Variants in OLAH observed in about 807,000 individuals in gnomAD.
OLAH encodes the protein oleoyl-ACP hydrolase, also known as S-acyl fatty acid synthase thioesterase, medium chain.
Under a neutral mutation model 27.8 loss-of-function variants are expected in OLAH, and 33 were observed. The observed-to-expected ratio is 1.19, with a 90% CI of 0.90 to 1.59. OLAH has a LOEUF of 1.59. Ranked by LOEUF, OLAH falls within the 40% of genes most tolerant of loss-of-function variation. The pLI is 0.00. For synonymous variants in OLAH, 120 were observed against 102.9 expected, an observed-to-expected ratio of 1.17 and a Z score of -1.01; for missense variants, 359 against 310.8, an observed-to-expected ratio of 1.16 and a Z score of -1.17.
chr10:15,035,887 C>G (rs1564523779), intron 1 of OLAH, among the ~76,000 whole-genome samples: 1 of 152,168 alleles, frequency 6.6e-6, no homozygotes, highest in Non-Finnish European at 1.5e-5. Context: ...TCCACTGTCT[C>G]CTTTCATTGC....
At chr10:15,064,854 A>G (rs1844436727) in intron 5 of OLAH, among the ~76,000 whole-genome samples, 1 of 152,050 alleles carries the variant, frequency 6.6e-6, no homozygotes, top group Non-Finnish European at 1.5e-5. Flanking sequence ...ATGGGGTTTC[A>G]CCATGTTGGC....
chr10:15,056,981 T>C lies in OLAH; in HGVS notation c.164-4743T>C, dbSNP rs997301674. The C allele has an allele frequency of 5.6e-6, 8 of 1,424,798 alleles. No individual in the cohort carries two copies. The African/African-American group carries it at 1.0e-4, about 18-fold the overall frequency. 88.3% of individuals were successfully genotyped at this position (1,424,798 alleles called of 1,614,324 possible). A position where few individuals can be genotyped will look rare whatever the true frequency, so the allele number is the denominator to read the frequency against. On this transcript the variant is annotated intron_variant, in intron 3 of 7. Transcript: ENST00000378228. The stretch of plus-strand genomic sequence containing the variant: ...GTCTATTCTGGATTCTAATTTTTTT[T>C]AGTAGGTTTTTTGTGTTGAAAATGT...
chr10:15,036,664 T>G (rs1030520437), intron 1 of OLAH, among the ~76,000 whole-genome samples: 2 of 151,992 alleles, frequency 1.3e-5, no homozygotes, highest in Admixed American at 6.6e-5. Flanking sequence ...TTTTAAAAAT[T>G]TTTGTAGGGA....
At chr10:15,037,746 C>T (rs1843863176) in intron 1 of OLAH, among the ~76,000 whole-genome samples, 1 of 152,134 alleles carries the variant, frequency 6.6e-6, no homozygotes, top group South Asian at 2.1e-4. Flanking sequence ...TAGGAAATCT[C>T]ATATTGCTGG....
At chr10:15,038,799 T>C (rs1843879341) in intron 1 of OLAH, 1 of 152,200 alleles carries the variant, frequency 6.6e-6, no homozygotes, top group African/African-American at 2.4e-5. Flanking sequence ...AGGGACGTGT[T>C]AAAACTCACT....
Position 15,057,533 on chromosome 10 carries a change from G to A in OLAH, c.164-4191G>A, listed in dbSNP as rs140024789. 1.9e-3 allele frequency among the ~76,000 whole-genome samples: 295 copies of A among 151,712 alleles called. 1 individual carries two copies. The highest frequency in any genetic ancestry group is 3.4e-3 in the Non-Finnish European group (231 of 67,958). On this transcript the variant is annotated intron_variant, in intron 3 of 7. Transcript: ENST00000378228. ...TCCGAGTAGCTGTGATAACAGGCATGAGCCACTATGCCTGGTTAATTTTCA... is the reference window on the plus strand; with the variant it reads ...TCCGAGTAGCTGTGATAACAGGCATAAGCCACTATGCCTGGTTAATTTTCA...
In OLAH at chr10:15,073,354, A is replaced by G. The variant is rs2131386483; in HGVS notation, c.*125A>G. 4.4e-6 allele frequency: 3 copies of G among 678,616 alleles called. No individual in the cohort carries two copies. Among genetic ancestry groups the G allele is most frequent in the Non-Finnish European group, 7.3e-6 (3 of 412,710 alleles). The allele number at this position is 678,616 out of a possible 1,614,324, so 42.0% of individuals were successfully genotyped here. ...TTCTACTGTCAGGGAGATTCGTTAC[A>G]TAAATATATTTACGTATCTGGGGAC... is the stretch of plus-strand genomic sequence containing the variant. On this transcript the variant is annotated 3_prime_UTR_variant, in exon 8 of 8. Transcript: ENST00000378228.
intron 3 of OLAH, among the ~76,000 whole-genome samples, chr10:15,059,913 A>T (rs1234985444): frequency 1.3e-5 from 2 of 152,144 alleles, no homozygotes; most frequent in African/African-American, 4.8e-5. Flanking sequence ...GTTTTTAGCA[A>T]TTTGATGGAC....
At chr10:15,068,547 C>T (rs962348038) in intron 6 of OLAH, among the ~76,000 whole-genome samples, 1 of 152,138 alleles carries the variant, frequency 6.6e-6, no homozygotes, top group African/African-American at 2.4e-5. Context: ...CACGTGCCCC[C>T]ACACCCAGCT....
upstream of OLAH, among the ~76,000 whole-genome samples, chr10:15,043,113 G>A (rs1205836184): frequency 3.3e-5 from 5 of 152,020 alleles, no homozygotes; most frequent in African/African-American, 9.6e-5. Context: ...ACCCGCCTTG[G>A]CCTCCCAAAG....
intron 2 of OLAH, among the ~76,000 whole-genome samples, chr10:15,049,240 C>T (rs1844085740): frequency 6.6e-6 from 1 of 150,876 alleles, no homozygotes; most frequent in Non-Finnish European, 1.5e-5. Context: ...CTCCAGAGAT[C>T]CTCCTGCCTC....
intron 7 of OLAH, 67 bp from the exon 8 acceptor site, chr10:15,073,017 AATG>A (rs1844621822): frequency 6.9e-7 from 1 of 1,452,886 alleles, no homozygotes; most frequent in East Asian, 2.3e-5. Context: ...CTCTTAAAGA[AATG>A]ATGTCTTGAT....
At chr10:15,065,273 T>A (rs1276168303) in intron 5 of OLAH, among the ~76,000 whole-genome samples, 1 of 152,202 alleles carries the variant, frequency 6.6e-6, no homozygotes, top group Non-Finnish European at 1.5e-5. Flanking sequence ...TTAAACCTGG[T>A]GCTGTTGCTC....
chr10:15,069,834 C>G (rs1844546366), intron 6 of OLAH, among the ~76,000 whole-genome samples: 1 of 152,110 alleles, frequency 6.6e-6, no homozygotes, highest in South Asian at 2.1e-4. Flanking sequence ...CCATTGCACT[C>G]AAGCCCGGGC....
At chr10:15,032,620 CAAAAAAA>C (rs71390005) in intron 1 of OLAH, among the ~76,000 whole-genome samples, 2,079 of 95,682 alleles carry the variant, frequency 0.022, 28 homozygotes, top group Non-Finnish European at 0.03. Flanking sequence ...GACTCAGTTT[CAAAAAAA>C]AAAAAAAAAA....
chr10:15,050,143 C>T (rs1040081019), intron 3 of OLAH, among the ~76,000 whole-genome samples: 4 of 152,310 alleles, frequency 2.6e-5, no homozygotes, highest in South Asian at 4.1e-4. Flanking sequence ...TAAATCCAGG[C>T]GCAGTGGCGC....
rs1437874555 is a variant in OLAH, at chr10:15,070,239, A to G, written c.573-1556A>G. On this transcript the variant is annotated intron_variant, in intron 6 of 7. Coordinates refer to ENST00000378228, the MANE Select transcript of OLAH (RefSeq NM_001039702.3). Reference sequence around the variant, plus strand: ...GCAGGAGCAAATCCTTGCTGGGATTACTGCAAGTCCCACTCACTTGGGCCT... The same window carrying G: ...GCAGGAGCAAATCCTTGCTGGGATTGCTGCAAGTCCCACTCACTTGGGCCT... Among the ~76,000 whole-genome samples, 39 of 150,854 alleles carry G rather than the reference A, an allele frequency of 2.6e-4. 1 individual carries two copies. The highest frequency in any genetic ancestry group is 1.5e-5 in the Non-Finnish European group (1 of 67,882).
In OLAH at chr10:15,065,736, C is replaced by T. The variant is rs553927806; in HGVS notation, c.555C>T (p.Asn185=). 128 of 1,601,576 alleles carry T rather than the reference C, an allele frequency of 8.0e-5. 1 individual carries two copies. In the Middle Eastern group the frequency reaches 1.0e-3, roughly 13 times the overall value. ...QCSPIIRADL[N]IVRSCTSNVP... ...GTCCCATCATAAGGGCAGATCTGAA[C>T]ATTGTTAGAAGTTGCACGTAAGTAA... is the stretch of plus-strand genomic sequence containing the variant. The change falls in exon 6 of 8, where the codon AAC becomes AAT. Residue 185 remains asparagine, a synonymous_variant. Coordinates refer to ENST00000378228, the MANE Select transcript of OLAH (RefSeq NM_001039702.3).
intron 1 of OLAH, among the ~76,000 whole-genome samples, chr10:15,037,580 C>CAAAAAAAAAATA (rs66522152): frequency 7.1e-6 from 1 of 141,210 alleles, no homozygotes; most frequent in Non-Finnish European, 1.5e-5. Flanking sequence ...GACTCCGTAT[C>CAAAAAAAAAATA]AAAAAAAAAA....
Sources: gnomAD v4.1 joint callset for allele counts (sites outside exome capture counted in the v4.1 genomes callset) on GRCh38, gnomAD v4.1.1 for gene constraint, MANE v1.5 for transcripts, NCBI Gene and HGNC (gene_info 2026-07-23, HGNC 2026-07-21) for gene names.